The following BEND7 variants were observed in gnomAD, a reference collection of about 807,000 sequenced individuals.
The protein encoded by BEND7 is BEN domain-containing protein 7.
Under a neutral mutation model 50.9 loss-of-function variants are expected in BEND7, and 28 were observed. The ratio of observed to expected loss-of-function variants is 0.55; its 90% CI spans 0.41 to 0.75. BEND7 has a LOEUF of 0.75. Among genes scored for constraint, BEND7 ranks in the 30% least tolerant of loss-of-function variants. BEND7 has a pLI of 0.00. For synonymous variants in BEND7, 170 were observed against 183.9 expected (o/e 0.92, Z 0.61); for missense variants, 477 against 491.3 (o/e 0.97, Z 0.28).
At chr10:13,484,705 A>G (rs7921342) in intron 5 of BEND7, among the ~76,000 whole-genome samples, 4,425 of 152,346 alleles carry the variant, frequency 0.029, 221 homozygotes, top group African/African-American at 0.1. Flanking sequence ...TGATGTCTAA[A>G]CGAACAGTTC....
At chr10:13,460,977 G>A (rs1840092627) in intron 6 of BEND7, among the ~76,000 whole-genome samples, 2 of 152,230 alleles carry the variant, frequency 1.3e-5, no homozygotes, top group Admixed American at 6.5e-5. Context: ...GATAAAGGCA[G>A]TAAGAAGTCA....
At chr10:13,471,886 T>C (rs977319505) in intron 6 of BEND7, among the ~76,000 whole-genome samples, 1 of 152,210 alleles carries the variant, frequency 6.6e-6, no homozygotes. Flanking sequence ...TCAATACCCA[T>C]CATCACTGTT....
chr10:13,438,876 A>G (rs1413772318), downstream of BEND7: 3 of 344,788 alleles, frequency 8.7e-6, no homozygotes, highest in South Asian at 7.1e-5. Flanking sequence ...CCTCCTCTCA[A>G]TCTTGGGTTC....
chr10:13,488,635 G>A (rs1217119307), intron 5 of BEND7, among the ~76,000 whole-genome samples: 3 of 152,320 alleles, frequency 2.0e-5, no homozygotes, highest in South Asian at 2.1e-4. Flanking sequence ...TTACAGGCAT[G>A]CGCCACTGCG....
intron 6 of BEND7, among the ~76,000 whole-genome samples, chr10:13,465,256 C>T (rs146546879): frequency 1.0e-3 from 153 of 152,280 alleles, no homozygotes; most frequent in African/African-American, 3.6e-3. Flanking sequence ...ATTTCAGATT[C>T]GGTTTGACAA....
At chr10:13,466,602 G>C (rs181070143) in intron 6 of BEND7, among the ~76,000 whole-genome samples, 1 of 152,100 alleles carries the variant, frequency 6.6e-6, no homozygotes, top group Admixed American at 6.5e-5. Flanking sequence ...TACTTGGAAG[G>C]TGCATTATGT....
Position 13,517,967 on chromosome 10 carries a change from G to T in BEND7, c.145+8171C>A, listed in dbSNP as rs77373876. 4.6e-5 allele frequency among the ~76,000 whole-genome samples: 7 copies of T among 152,214 alleles called. No homozygotes were observed. The East Asian group carries it at 1.3e-3, about 29-fold the overall frequency. On this transcript the variant is annotated intron_variant, in intron 2 of 8. Coordinates refer to ENST00000466271, the MANE Select transcript of BEND7 (RefSeq NM_001369863.1). ...CAGACTTCCCGCGCCAACATCCCAGGTCTATTTTTAACTATGAGATGCAAA... is the reference window on the plus strand; with the variant it reads ...CAGACTTCCCGCGCCAACATCCCAGTTCTATTTTTAACTATGAGATGCAAA...
At chr10:13,500,864 G>A (rs1227744813) in intron 2 of BEND7, 4 of 984,628 alleles carry the variant, frequency 4.1e-6, no homozygotes, top group East Asian at 1.1e-4. Flanking sequence ...CCTCCCCACC[G>A]TGCCCTCCTC....
At chr10:13,438,898 C>T (rs1359778700), downstream of BEND7, 4 of 396,450 alleles carry the variant, frequency 1.0e-5, no homozygotes, top group African/African-American at 4.1e-5. Context: ...GTGATAAAGG[C>T]TCTGGGTTTG....
intron 8 of BEND7, chr10:13,443,516 G>A (rs1835671038): frequency 6.6e-6 from 1 of 152,590 alleles, no homozygotes; most frequent in South Asian, 2.1e-4. Context: ...ACAATTTACT[G>A]GGGAGGTGTC....
intron 7 of BEND7, among the ~76,000 whole-genome samples, chr10:13,449,600 G>T (rs1266513590): frequency 2.0e-5 from 3 of 152,056 alleles, no homozygotes; most frequent in Non-Finnish European, 4.4e-5. Flanking sequence ...TTAAATCTTC[G>T]AGTTCTAGTT....
At chr10:13,467,062 A>G (rs999095007) in intron 6 of BEND7, among the ~76,000 whole-genome samples, 10 of 152,318 alleles carry the variant, frequency 6.6e-5, no homozygotes, top group African/African-American at 2.4e-4. Context: ...CACCGTGGAC[A>G]CCGGGGGAAG....
At chr10:13,440,796 A>G (rs1273877250), downstream of BEND7, among the ~76,000 whole-genome samples, 1 of 152,242 alleles carries the variant, frequency 6.6e-6, no homozygotes, top group Non-Finnish European at 1.5e-5. Flanking sequence ...AAGCTACCTA[A>G]TTCATTTAAA....
At position 13,499,868 on chromosome 10, in the gene BEND7, G is replaced by C; in HGVS notation, c.358C>G (p.Leu120Val). ...HPSSRGVWNE[L>V]PPQSGQFSGQ... The stretch of plus-strand genomic sequence containing the variant: ...GAGAACTGTCCACTCTGGGGCGGTA[G>C]CTCATTCCACACACCACGTGAAGAC... Residue 120 changes from leucine to valine, a missense_variant, in exon 3 of 9, where the codon CTA (leucine) becomes GTA (valine). By Grantham distance (32) the Leu-to-Val change is conservative. This residue lies in a region of BEND7 where 396 missense variants were observed against 384.2 expected (regional missense o/e 1.03). Coordinates refer to ENST00000466271, the MANE Select transcript of BEND7 (RefSeq NM_001369863.1). 1 of 1,614,186 alleles carries C rather than the reference G, an allele frequency of 6.2e-7. No homozygotes were observed. The highest frequency in any genetic ancestry group is 1.1e-5 in the South Asian group (1 of 91,084).
chr10:13,451,056 T>C (rs1268889039), intron 7 of BEND7, among the ~76,000 whole-genome samples: 3 of 151,918 alleles, frequency 2.0e-5, no homozygotes, highest in Non-Finnish European at 4.4e-5. Flanking sequence ...AACTAAGGTG[T>C]GTTTATGTCT....
downstream of BEND7, chr10:13,441,007 A>G (rs184095179): frequency 1.8e-4 from 131 of 735,792 alleles, no homozygotes; most frequent in African/African-American, 2.3e-3. Flanking sequence ...AGTATTAATG[A>G]TACCTTTTAA....
At chr10:13,508,345 A>G (rs1416345680) in intron 2 of BEND7, among the ~76,000 whole-genome samples, 2 of 152,218 alleles carry the variant, frequency 1.3e-5, no homozygotes, top group Non-Finnish European at 2.9e-5. Flanking sequence ...CCCAAGTGCA[A>G]TCTAAAGTGG....
At chr10:13,503,481 C>A (rs10796088) in intron 2 of BEND7, among the ~76,000 whole-genome samples, 6 of 152,050 alleles carry the variant, frequency 3.9e-5, no homozygotes, top group Non-Finnish European at 7.4e-5. Context: ...GGGAGGCTGA[C>A]GTGGGTGGAT....
intron 6 of BEND7, among the ~76,000 whole-genome samples, chr10:13,479,198 G>A (rs915916179): frequency 4.4e-4 from 66 of 151,674 alleles, no homozygotes; most frequent in African/African-American, 1.2e-3. Flanking sequence ...TAGTAGAGAC[G>A]GGGTTTCACC....
Sources: gnomAD v4.1 joint callset for allele counts (sites outside exome capture counted in the v4.1 genomes callset) on GRCh38, gnomAD v4.1.1 for gene constraint, gnomAD v4.1.1 regional missense constraint, MANE v1.5 for transcripts, NCBI Gene and HGNC (gene_info 2026-07-23, HGNC 2026-07-21) for gene names.